RSL24D1: variants seen among roughly 807,000 people sequenced by gnomAD.
RSL24D1 encodes the protein ribosomal L24 domain containing 1, also known as probable ribosome biogenesis protein RLP24.
RSL24D1 carries 6 observed loss-of-function variants against 26.2 expected under a neutral mutation model. The observed-to-expected ratio is 0.23, with a 90% confidence interval of 0.13 to 0.45. The LOEUF is 0.45. Among genes scored for constraint, RSL24D1 ranks in the 20% least tolerant of loss-of-function variants. The probability of loss-of-function intolerance (pLI) is 0.99; values close to 1 mark genes in which losing one functional copy is unlikely to be tolerated. For missense variants in RSL24D1, 176 were observed against 202.6 expected (o/e 0.87, Z 0.80); for synonymous variants, 61 against 59.1 (o/e 1.03, Z -0.15).
intron 2 of RSL24D1, 169 bp downstream of exon 2, chr15:55,192,551 G>C (rs1894308892): frequency 2.1e-6 from 1 of 477,230 alleles, no homozygotes; most frequent in Non-Finnish European, 3.8e-6. Flanking sequence ...CAGAATTACA[G>C]TTTTAAGGAT....
chr15:55,189,355 A>G (rs1894267451), intron 3 of RSL24D1, among the ~76,000 whole-genome samples: 2 of 152,324 alleles, frequency 1.3e-5, no homozygotes, highest in African/African-American at 4.8e-5. Context: ...AATAAAAATC[A>G]ACTGCTTTTC....
chr15:55,191,308 A>G (rs917205112), intron 2 of RSL24D1, among the ~76,000 whole-genome samples: 1 of 152,314 alleles, frequency 6.6e-6, no homozygotes, highest in Admixed American at 6.5e-5. Flanking sequence ...AGGGCATATA[A>G]CAATTATCAG....
intron 5 of RSL24D1, among the ~76,000 whole-genome samples, chr15:55,182,618 G>A (rs947011423): frequency 6.6e-6 from 1 of 152,096 alleles, no homozygotes; most frequent in Non-Finnish European, 1.5e-5. Context: ...TAAAAACTTA[G>A]ATAACAATGG....
chr15:55,187,610 T>C lies in RSL24D1; in HGVS notation c.269-2185A>G, dbSNP rs537513774. On this transcript the variant is annotated intron_variant, in intron 3 of 5. Transcript: ENST00000260443. ...TCTTTTACAGCAACTTGGATGGAAC[T>C]GGAGGCCACTATTCTAAATGAAGTA... 9.3e-4 allele frequency among the ~76,000 whole-genome samples: 141 copies of C among 152,324 alleles called. 1 individual carries two copies. The highest frequency in any genetic ancestry group is 3.3e-3 in the African/African-American group (137 of 41,570).
At chr15:55,183,092 T>G (rs1042747414) in intron 5 of RSL24D1, among the ~76,000 whole-genome samples, 2 of 152,068 alleles carry the variant, frequency 1.3e-5, no homozygotes, top group African/African-American at 4.8e-5. Context: ...TTTGCATAAC[T>G]TGGGGGGATA....
chr15:55,195,024 C>CA (rs34525957), intron 1 of RSL24D1, among the ~76,000 whole-genome samples: 8,398 of 47,720 alleles, frequency 0.18, 1,251 homozygotes, highest in African/African-American at 0.37. Flanking sequence ...GACCCTGTCT[C>CA]AAAAAAAAAA....
chr15:55,181,897 C>T lies in RSL24D1; in HGVS notation c.*255G>A, dbSNP rs986335100. On this transcript the variant is annotated 3_prime_UTR_variant, in exon 6 of 6. Transcript: ENST00000260443. The stretch of plus-strand genomic sequence containing the variant: ...TTATCCAAATAGCACAACCATTTTA[C>T]GTCCACAATTCACTTCTATAGTTAC... The T allele has an allele frequency of 1.0e-4, 37 of 359,552 alleles. No homozygotes were observed. In the East Asian group the frequency reaches 1.4e-3, roughly 14 times the overall value. 22.3% of individuals were successfully genotyped at this position (359,552 alleles called of 1,614,324 possible). A position where few individuals can be genotyped will look rare whatever the true frequency, so the allele number is the denominator to read the frequency against.
At chr15:55,196,771 G>T (rs374827579) in intron 1 of RSL24D1, 39 bp downstream of exon 1, 1 of 1,604,250 alleles carries the variant, frequency 6.2e-7, no homozygotes, top group Non-Finnish European at 8.5e-7. Context: ...GGAACCGCGG[G>T]AGCTAGGCTG....
Position 55,183,307 on chromosome 15 carries a change from G to A in RSL24D1, c.418+8C>T, listed in dbSNP as rs376758910. On this transcript the variant is annotated splice_region_variant and intron_variant, in intron 5 of 5. Coordinates refer to ENST00000260443, the MANE Select transcript of RSL24D1 (RefSeq NM_016304.3). Reference sequence around the variant, plus strand: ...CACAAAAATCTAGATGTGCAATGTAGTACTCACCTGCAAGAGGGGCTCGGA... The same window carrying A: ...CACAAAAATCTAGATGTGCAATGTAATACTCACCTGCAAGAGGGGCTCGGA... 1.2e-6 allele frequency: 2 copies of A among 1,609,462 alleles called. No homozygotes were observed. The highest frequency in any genetic ancestry group is 1.1e-5 in the South Asian group (1 of 90,910).
chr15:55,184,932 G>A (rs1894208263), intron 4 of RSL24D1, among the ~76,000 whole-genome samples: 1 of 152,122 alleles, frequency 6.6e-6, no homozygotes, highest in South Asian at 2.1e-4. Context: ...GTAAAAGAAA[G>A]ATGAGAAACT....
At chr15:55,191,522 T>C (rs906159373) in intron 2 of RSL24D1, among the ~76,000 whole-genome samples, 6 of 152,044 alleles carry the variant, frequency 3.9e-5, no homozygotes, top group South Asian at 2.1e-4. Flanking sequence ...TAAATATCTA[T>C]GTTATAGCAA....
At chr15:55,186,510 A>G (rs909714387) in intron 3 of RSL24D1, among the ~76,000 whole-genome samples, 1 of 152,180 alleles carries the variant, frequency 6.6e-6, no homozygotes, top group African/African-American at 2.4e-5. Flanking sequence ...CCAAATGTGC[A>G]TTATCCAAAC....
chr15:55,185,567 A>G, intron 3 of RSL24D1, 142 bp from the exon 4 acceptor site: 2 of 609,908 alleles, frequency 3.3e-6, no homozygotes, highest in Non-Finnish European at 5.6e-6. Context: ...ATCCCTACTC[A>G]AAAAGCTGAA....
intron 3 of RSL24D1, among the ~76,000 whole-genome samples, chr15:55,189,050 G>A (rs1016562551): frequency 4.6e-5 from 7 of 151,964 alleles, no homozygotes; most frequent in Non-Finnish European, 5.9e-5. Flanking sequence ...AAAATTAGCC[G>A]GGCGTGGCGG....
chr15:55,189,673 A>T (rs767854893), intron 3 of RSL24D1, among the ~76,000 whole-genome samples: 1 of 152,120 alleles, frequency 6.6e-6, no homozygotes, highest in Non-Finnish European at 1.5e-5. Context: ...CCCCAAGACA[A>T]TTCTTCTTCC....
At chr15:55,182,884 T>G (rs967398098) in intron 5 of RSL24D1, among the ~76,000 whole-genome samples, 1 of 152,166 alleles carries the variant, frequency 6.6e-6, no homozygotes, top group Non-Finnish European at 1.5e-5. Context: ...AGTCCCAATT[T>G]TAGTATCAGA....
intron 1 of RSL24D1, among the ~76,000 whole-genome samples, chr15:55,193,960 G>C (rs866149749): frequency 7.9e-5 from 12 of 152,230 alleles, no homozygotes; most frequent in Middle Eastern, 6.8e-3. Flanking sequence ...ATTATATTTT[G>C]AGTATTTTCA....
chr15:55,187,462 C>A (rs1214861773), intron 3 of RSL24D1, among the ~76,000 whole-genome samples: 1 of 152,052 alleles, frequency 6.6e-6, no homozygotes, highest in Admixed American at 6.6e-5. Context: ...TCTAACTGTA[C>A]AATTCACAAC....
chr15:55,191,881 G>C (rs1220607294), intron 2 of RSL24D1, among the ~76,000 whole-genome samples: 2 of 152,170 alleles, frequency 1.3e-5, no homozygotes, highest in African/African-American at 2.4e-5. Context: ...TGTTTCCTCA[G>C]GCAGCTGCCA....
Sources: gnomAD v4.1 joint callset for allele counts (sites outside exome capture counted in the v4.1 genomes callset) on GRCh38, gnomAD v4.1.1 for gene constraint, MANE v1.5 for transcripts, NCBI Gene and HGNC (gene_info 2026-07-23, HGNC 2026-07-21) for gene names.